The following PPP3CA variants were observed in gnomAD, a reference collection of about 807,000 sequenced individuals.
The protein encoded by PPP3CA is CAM-PRP catalytic subunit.
In PPP3CA, 14 loss-of-function variants were observed where a neutral mutation model predicts 66.5. The observed-to-expected ratio is 0.21, with a 90% CI of 0.14 to 0.33. PPP3CA has a LOEUF of 0.33. Among genes scored for constraint, PPP3CA ranks in the 10% least tolerant of loss-of-function variants. The pLI is 1.00. For missense variants in PPP3CA, 317 were observed against 639.5 expected, an observed-to-expected ratio of 0.50 and a Z score of 5.44; for synonymous variants, 232 against 226.2, an observed-to-expected ratio of 1.03 and a Z score of -0.23.
chr4:101,198,622 TTAAGA>T (rs1181450628), intron 1 of PPP3CA, among the ~76,000 whole-genome samples: 3 of 152,126 alleles, frequency 2.0e-5, no homozygotes, highest in African/African-American at 7.2e-5. Flanking sequence ...CTGATTAAAC[TTAAGA>T]TAGATCACAG....
chr4:101,319,171 A>G (rs1728966201), intron 1 of PPP3CA, among the ~76,000 whole-genome samples: 1 of 140,952 alleles, frequency 7.1e-6, no homozygotes, highest in African/African-American at 2.6e-5. Context: ...TACCATATTG[A>G]AAAAAAAAAA....
At chr4:101,127,904 T>A (rs986824682) in intron 2 of PPP3CA, among the ~76,000 whole-genome samples, 5 of 152,174 alleles carry the variant, frequency 3.3e-5, no homozygotes, top group African/African-American at 9.7e-5. Context: ...TGAGAAAGAT[T>A]AAGCAATTGT....
At chr4:101,054,838 T>C (rs1424315045) in intron 10 of PPP3CA, among the ~76,000 whole-genome samples, 2 of 152,152 alleles carry the variant, frequency 1.3e-5, no homozygotes, top group Admixed American at 6.6e-5. Flanking sequence ...GGCAAAAATG[T>C]TGACAAAGGA....
intron 2 of PPP3CA, among the ~76,000 whole-genome samples, chr4:101,180,719 T>C (rs190335014): frequency 6.6e-6 from 1 of 152,102 alleles, no homozygotes; most frequent in African/African-American, 2.4e-5. Context: ...GGTTTACGGG[T>C]CATGATGATG....
intron 1 of PPP3CA, among the ~76,000 whole-genome samples, chr4:101,344,858 T>C (rs1318610041): frequency 6.6e-5 from 10 of 152,336 alleles, no homozygotes; most frequent in Admixed American, 5.9e-4. Context: ...CGTTCACTAG[T>C]ATCATTTGAA....
intron 1 of PPP3CA, among the ~76,000 whole-genome samples, chr4:101,333,178 C>T (rs1052987582): frequency 3.5e-5 from 5 of 143,882 alleles, no homozygotes; most frequent in African/African-American, 5.1e-5. Context: ...GATCATGACT[C>T]ACTGCAGCCT....
chr4:101,274,235 C>A (rs550249767), intron 1 of PPP3CA, among the ~76,000 whole-genome samples: 3 of 152,120 alleles, frequency 2.0e-5, no homozygotes, highest in African/African-American at 7.2e-5. Context: ...ACCCAGGAGG[C>A]GGAGGTTATA....
chr4:101,109,287 T>G (rs1721572065), intron 2 of PPP3CA, among the ~76,000 whole-genome samples: 1 of 129,424 alleles, frequency 7.7e-6, no homozygotes, highest in Non-Finnish European at 1.5e-5. Context: ...AATGTCTGAG[T>G]CCACTAGTAT....
chr4:101,195,645 A>G (rs1452739294), intron 2 of PPP3CA, among the ~76,000 whole-genome samples: 1 of 152,202 alleles, frequency 6.6e-6, no homozygotes, highest in Non-Finnish European at 1.5e-5. Context: ...ACTTAAAAAC[A>G]ATATCACTTC....
At chr4:101,295,930 T>C (rs752910488) in intron 1 of PPP3CA, among the ~76,000 whole-genome samples, 11 of 152,226 alleles carry the variant, frequency 7.2e-5, no homozygotes, top group Non-Finnish European at 1.5e-4. Flanking sequence ...TTATGAACTT[T>C]AGATAAACTT....
intron 2 of PPP3CA, among the ~76,000 whole-genome samples, chr4:101,191,266 GA>G (rs1724594262): frequency 6.6e-6 from 1 of 152,186 alleles, no homozygotes; most frequent in Admixed American, 6.5e-5. Context: ...GTCAAGTTTG[GA>G]AACACTGACT....
At chr4:101,328,227 A>G (rs1729265497) in intron 1 of PPP3CA, among the ~76,000 whole-genome samples, 1 of 152,208 alleles carries the variant, frequency 6.6e-6, no homozygotes, top group Non-Finnish European at 1.5e-5. Flanking sequence ...AACAAGGTTC[A>G]GTTGGATTCA....
chr4:101,034,102 G>A (rs1463917042), intron 11 of PPP3CA, among the ~76,000 whole-genome samples: 2 of 152,076 alleles, frequency 1.3e-5, no homozygotes, highest in African/African-American at 4.8e-5. Flanking sequence ...ATGGGTGAAA[G>A]GGAGGTTTCA....
intron 1 of PPP3CA, among the ~76,000 whole-genome samples, chr4:101,205,714 T>C (rs567349448): frequency 7.2e-5 from 11 of 152,336 alleles, no homozygotes; most frequent in Non-Finnish European, 1.3e-4. Context: ...CAAAATCATT[T>C]TATTTAATGA....
rs781111051 is a variant in PPP3CA at position 101,250,339 on chromosome 4, T to C, written c.59-54223A>G. On this transcript the variant is annotated intron_variant, in intron 1 of 13. Coordinates refer to ENST00000394854, the MANE Select transcript of PPP3CA (RefSeq NM_000944.5). ...CTGTTTTATACTGTACCTGTGGCTG[T>C]ATCTTTCATATCCTCATACCCTTAG... is the stretch of plus-strand genomic sequence containing the variant. The C allele has an allele frequency of 9.4e-5, 43 of 456,518 alleles. 4 individuals carry two copies. Among genetic ancestry groups the C allele is most frequent in the South Asian group, 6.7e-4 (43 of 64,550 alleles). 28.3% of individuals were successfully genotyped at this position (456,518 alleles called of 1,614,324 possible). A position where few individuals can be genotyped will look rare whatever the true frequency, so the allele number is the denominator to read the frequency against.
chr4:101,321,261 T>TAACCCA (rs1320548099), intron 1 of PPP3CA, among the ~76,000 whole-genome samples: 1 of 152,176 alleles, frequency 6.6e-6, no homozygotes, highest in East Asian at 1.9e-4. Flanking sequence ...ATATTTTATA[T>TAACCCA]AAATTAACCC....
intron 1 of PPP3CA, among the ~76,000 whole-genome samples, chr4:101,282,592 T>C (rs1210862157): frequency 6.6e-6 from 1 of 152,208 alleles, no homozygotes; most frequent in African/African-American, 2.4e-5. Context: ...CATTTCTTCT[T>C]TGGTCTATTC....
chr4:101,317,996 T>C (rs906218401), intron 1 of PPP3CA, among the ~76,000 whole-genome samples: 1 of 152,194 alleles, frequency 6.6e-6, no homozygotes, highest in Non-Finnish European at 1.5e-5. Flanking sequence ...ATAAATGTAA[T>C]CACTCAACAA....
intron 1 of PPP3CA, among the ~76,000 whole-genome samples, chr4:101,266,048 A>G (rs1727160019): frequency 6.6e-6 from 1 of 152,180 alleles, no homozygotes; most frequent in Non-Finnish European, 1.5e-5. Flanking sequence ...CACAAAGAGG[A>G]AGTAAAATAA....
Sources: gnomAD v4.1 joint callset for allele counts (sites outside exome capture counted in the v4.1 genomes callset) on GRCh38, gnomAD v4.1.1 for gene constraint, MANE v1.5 for transcripts, NCBI Gene and HGNC (gene_info 2026-07-23, HGNC 2026-07-21) for gene names.